Variants in P2RX3 observed in about 807,000 individuals in gnomAD.
The protein encoded by P2RX3 is purinergic receptor P2X 3, also known as P2X purinoceptor 3.
In P2RX3, 41 loss-of-function variants were observed where a neutral mutation model predicts 51.5. The observed-to-expected ratio is 0.80, with a 90% CI of 0.62 to 1.03. The LOEUF (loss-of-function observed/expected upper bound fraction) is 1.03, where lower values mean the gene tolerates loss of function less well. Ranked by LOEUF, P2RX3 falls within the 50% of genes least tolerant of loss-of-function variation. P2RX3 has a pLI of 0.00. For missense variants in P2RX3, 459 were observed against 522.1 expected (o/e 0.88, Z 1.18); for synonymous variants, 185 against 191.6 (o/e 0.97, Z 0.29).
In P2RX3 at chr11:57,358,269, G is replaced by A. The variant is rs1050550436; in HGVS notation, c.842+7371G>A. 5.9e-5 allele frequency among the ~76,000 whole-genome samples: 9 copies of A among 152,262 alleles called. No individual in the cohort carries two copies. The South Asian group carries it at 8.3e-4, about 14-fold the overall frequency. The stretch of plus-strand genomic sequence containing the variant: ...CTTGCACTGAATGTATTCAGGCATC[G>A]GCAGGGAAACCCTTTGTAGATAATG... On this transcript the variant is annotated intron_variant, in intron 8 of 11. Transcript: ENST00000263314.
intron 8 of P2RX3, among the ~76,000 whole-genome samples, chr11:57,355,294 A>G (rs940206129): frequency 6.6e-6 from 1 of 152,100 alleles, no homozygotes; most frequent in African/African-American, 2.4e-5. Context: ...GACATGAGAA[A>G]ATTCACAGGC....
chr11:57,343,358 C>G (rs1457045136), intron 1 of P2RX3, among the ~76,000 whole-genome samples: 1 of 152,186 alleles, frequency 6.6e-6, no homozygotes, highest in East Asian at 1.9e-4. Flanking sequence ...GGTGATGGAG[C>G]AGGAGCTGGT....
At chr11:57,369,228 G>A (rs1856843199) in intron 10 of P2RX3, 133 bp from the exon 11 acceptor site, 3 of 731,780 alleles carry the variant, frequency 4.1e-6, no homozygotes, top group Non-Finnish European at 6.9e-6. Flanking sequence ...CCAAAAGTTT[G>A]TTGCAAGGGT....
At chr11:57,340,702 T>C (rs942765639) in intron 1 of P2RX3, 1 of 152,248 alleles carries the variant, frequency 6.6e-6, no homozygotes, top group Non-Finnish European at 1.5e-5. Context: ...AAACGTGAAA[T>C]GTCAACTGTG....
Position 57,347,438 on chromosome 11 carries a change from A to G in P2RX3, c.351A>G (p.Val117=). 6.4e-7 allele frequency: 1 copy of G among 1,559,526 alleles called. No homozygotes were observed. The highest frequency in any genetic ancestry group is 8.7e-7 in the Non-Finnish European group (1 of 1,151,278). ...CPESEEKYRC[V]SDSQCGPERL... is the part of the protein sequence containing the mutation. ...AGAGTGAGGAGAAATACCGCTGTGT[A>G]TCAGACAGCCAGTGCGGGCCTGAGC... is the stretch of plus-strand genomic sequence containing the variant. The change falls in exon 4 of 12, where the codon GTA becomes GTG. Residue 117 remains valine, a synonymous_variant. Coordinates refer to ENST00000263314, the MANE Select transcript of P2RX3 (RefSeq NM_002559.5).
chr11:57,347,251 C>T (rs957250904), intron 3 of P2RX3, 64 bp downstream of exon 3: 8 of 1,563,526 alleles, frequency 5.1e-6, no homozygotes, highest in Admixed American at 3.4e-5. Flanking sequence ...GGAGTGGGAG[C>T]AGTGGCAGGG....
At chr11:57,359,166 G>C (rs938304655) in intron 8 of P2RX3, among the ~76,000 whole-genome samples, 22 of 152,198 alleles carry the variant, frequency 1.4e-4, no homozygotes, top group Admixed American at 1.3e-4. Flanking sequence ...TTTTGAGCTG[G>C]GGTGCCTGAC....
chr11:57,348,058 C>A, intron 4 of P2RX3, 112 bp from the exon 5 acceptor site: 1 of 961,428 alleles, frequency 1.0e-6, no homozygotes, highest in Non-Finnish European at 1.5e-6. Context: ...TCCCTGCCTG[C>A]TCTTTTCCCC....
In P2RX3 at chr11:57,348,624, C is replaced by T; in HGVS notation, c.486-3C>T. 1 of 1,613,132 alleles carries T rather than the reference C, an allele frequency of 6.2e-7. No homozygotes were observed. The highest frequency in any genetic ancestry group is 8.5e-7 in the Non-Finnish European group (1 of 1,179,146). Reference sequence around the variant, plus strand: ...AGCTAAGGCCTCCTGTGCTCACCCACAGGCCCATCATGATGGAAGCTGAGA... The same window carrying T: ...AGCTAAGGCCTCCTGTGCTCACCCATAGGCCCATCATGATGGAAGCTGAGA... On this transcript the variant is annotated splice_polypyrimidine_tract_variant and splice_region_variant and intron_variant, in intron 5 of 11. Transcript: ENST00000263314.
intron 3 of P2RX3, 86 bp downstream of exon 3, chr11:57,347,273 G>C: frequency 1.3e-6 from 2 of 1,510,802 alleles, no homozygotes; most frequent in South Asian, 2.3e-5. Context: ...GGTATGAGCA[G>C]AGGCCCCAAG....
At chr11:57,342,936 C>T (rs996601573) in intron 1 of P2RX3, among the ~76,000 whole-genome samples, 2 of 152,176 alleles carry the variant, frequency 1.3e-5, no homozygotes, top group South Asian at 4.1e-4. Flanking sequence ...TCCTGCACAT[C>T]CCACCTGCCA....
chr11:57,342,840 G>A (rs1353273694), intron 1 of P2RX3, among the ~76,000 whole-genome samples: 1 of 149,958 alleles, frequency 6.7e-6, no homozygotes, highest in Non-Finnish European at 1.5e-5. Context: ...CACACACAGC[G>A]TGCACTCTTC....
intron 8 of P2RX3, among the ~76,000 whole-genome samples, chr11:57,360,218 G>A (rs1247299777): frequency 1.3e-5 from 2 of 152,138 alleles, no homozygotes; most frequent in Non-Finnish European, 2.9e-5. Context: ...CCTATCGAGA[G>A]GCTGGCTCCC....
intron 8 of P2RX3, among the ~76,000 whole-genome samples, chr11:57,362,877 G>T (rs1158387199): frequency 6.6e-6 from 1 of 152,190 alleles, no homozygotes; most frequent in East Asian, 1.9e-4. Flanking sequence ...CTCAGTAGAT[G>T]TTGGCTGTTA....
chr11:57,370,038 C>A lies in P2RX3; in HGVS notation c.*41C>A. The A allele has an allele frequency of 7.0e-7, 1 of 1,430,850 alleles. No homozygotes were observed. Among genetic ancestry groups the A allele is most frequent in the Non-Finnish European group, 9.8e-7 (1 of 1,024,096 alleles). The allele number at this position is 1,430,850 out of a possible 1,614,324, so 88.6% of individuals were successfully genotyped here. A position where few individuals can be genotyped will look rare whatever the true frequency, so the allele number is the denominator to read the frequency against. ...CCCCACACTCACAAAGGCTCCAGGC[C>A]TCCCCACAGAGGACCCTGCCTGAGC... On this transcript the variant is annotated 3_prime_UTR_variant, in exon 12 of 12. Transcript: ENST00000263314.
intron 1 of P2RX3, among the ~76,000 whole-genome samples, chr11:57,346,099 C>T (rs905758877): frequency 1.3e-5 from 2 of 152,324 alleles, no homozygotes; most frequent in African/African-American, 4.8e-5. Context: ...GGCCTGGGAT[C>T]CTCTGTCCTT....
chr11:57,370,145 C>T lies in P2RX3; in HGVS notation c.*148C>T, dbSNP rs187743128. 28 of 621,804 alleles carry T rather than the reference C, an allele frequency of 4.5e-5. No homozygotes were observed. The highest frequency in any genetic ancestry group is 2.4e-4 in the South Asian group (12 of 50,724). The allele number at this position is 621,804 out of a possible 1,614,324, so 38.5% of individuals were successfully genotyped here. ...GCTGGGACCCAAGTGTCTGGGCCTCCGACTGCTCCAGCAGACAGGCAGTGC... is the reference window on the plus strand; with the variant it reads ...GCTGGGACCCAAGTGTCTGGGCCTCTGACTGCTCCAGCAGACAGGCAGTGC... On this transcript the variant is annotated 3_prime_UTR_variant, in exon 12 of 12. Transcript: ENST00000263314.
chr11:57,361,886 G>A (rs1856725207), intron 8 of P2RX3, among the ~76,000 whole-genome samples: 1 of 152,154 alleles, frequency 6.6e-6, no homozygotes, highest in African/African-American at 2.4e-5. Flanking sequence ...CCCAGCCTAG[G>A]TTAGACATCT....
rs535701188 is a variant in P2RX3 at position 57,341,618 on chromosome 11, C to T, written c.119+2949C>T. On this transcript the variant is annotated intron_variant, in intron 1 of 11. Transcript: ENST00000263314. Reference sequence around the variant, plus strand: ...GTGGGACTTCCCGAGAGCCCATCCCCGTTCTGGATCCTTTGGGGACCTGAG... The same window carrying T: ...GTGGGACTTCCCGAGAGCCCATCCCTGTTCTGGATCCTTTGGGGACCTGAG... Among the ~76,000 whole-genome samples, 119 of 152,288 alleles carry T rather than the reference C, an allele frequency of 7.8e-4. 1 individual carries two copies. The highest frequency in any genetic ancestry group is 2.4e-4 in the Non-Finnish European group (16 of 68,024).
Sources: allele counts gnomAD v4.1 joint callset (sites outside exome capture counted in the v4.1 genomes callset), GRCh38; gene constraint gnomAD v4.1.1; transcripts MANE v1.5; gene names NCBI Gene and HGNC (gene_info 2026-07-23, HGNC 2026-07-21).